MIDN: variants seen among roughly 807,000 people sequenced by gnomAD.
MIDN encodes the protein midbrain nucleolar protein.
Under a neutral mutation model 46.1 loss-of-function variants are expected in MIDN, and 26 were observed. That is an observed-to-expected ratio of 0.56 (90% CI 0.41 to 0.78). The LOEUF (loss-of-function observed/expected upper bound fraction) is 0.78, where lower values mean the gene tolerates loss of function less well. Ranked by LOEUF, MIDN falls within the 30% of genes least tolerant of loss-of-function variation. The pLI, the probability that MIDN is intolerant of heterozygous loss-of-function variation, is 0.00. For synonymous variants in MIDN, 432 were observed against 343.3 expected (o/e 1.26, Z -2.86); for missense variants, 850 against 771.8 (o/e 1.10, Z -1.20).
At position 1,255,604 on chromosome 19, in the gene MIDN, C is replaced by A. The variant is rs187496777; in HGVS notation, c.1168C>A (p.Pro390Thr). The change falls in exon 8 of 9, where the codon CCC becomes ACC. Residue 390 changes from proline to threonine, a missense_variant. Physicochemically the swap from Pro to Thr is conservative, Grantham distance 38 (BLOSUM62 -1). Transcript: ENST00000682408. Reference protein sequence around the residue: ...SPASPAPDLAPRTTSCEKLTA... With the variant: ...SPASPAPDLATRTTSCEKLTA... ...GGCCTCACCGGCCCCCGACCTGGCCCCCAGAACTACCTCCTGCGAGAAGCT... is the reference window on the plus strand; with the variant it reads ...GGCCTCACCGGCCCCCGACCTGGCCACCAGAACTACCTCCTGCGAGAAGCT... 1 of 1,609,730 alleles carries A rather than the reference C, an allele frequency of 6.2e-7. No homozygotes were observed. The highest frequency in any genetic ancestry group is 8.5e-7 in the Non-Finnish European group (1 of 1,179,282).
At position 1,257,562 on chromosome 19, in the gene MIDN, C is replaced by T; in HGVS notation, c.*290C>T. The T allele has an allele frequency of 2.7e-6, 1 of 363,868 alleles. No homozygotes were observed. The highest frequency in any genetic ancestry group is 4.4e-5 in the South Asian group (1 of 22,928). 22.5% of individuals were successfully genotyped at this position (363,868 alleles called of 1,614,324 possible). A position where few individuals can be genotyped will look rare whatever the true frequency, so the allele number is the denominator to read the frequency against. On this transcript the variant is annotated 3_prime_UTR_variant, in exon 9 of 9. Coordinates refer to ENST00000682408, the MANE Select transcript of MIDN (RefSeq NM_001388306.1). Reference sequence around the variant, plus strand: ...CCGTCTGTCTCCTTTCACCTCTGCGCCAGGTCGGTCCTCCCTGCCAACCTT... The same window carrying T: ...CCGTCTGTCTCCTTTCACCTCTGCGTCAGGTCGGTCCTCCCTGCCAACCTT...
chr19:1,252,565 T>C (rs1599979727), intron 4 of MIDN, among the ~76,000 whole-genome samples: 1 of 151,880 alleles, frequency 6.6e-6, no homozygotes, highest in African/African-American at 2.4e-5. Context: ...TTTTTCTCCT[T>C]CTTTCCTCAT....
chr19:1,251,136 C>T lies in MIDN; in HGVS notation c.234-426C>T, dbSNP rs917458220. ...CCGGGGAGGGAGGAGGAGGGGGAGC[C>T]CGGCCCGGCGCAACCCCCAGGGCCT... On this transcript the variant is annotated intron_variant, in intron 2 of 8. Coordinates refer to ENST00000682408, the MANE Select transcript of MIDN (RefSeq NM_001388306.1). 3 of 158,514 alleles carry T rather than the reference C, an allele frequency of 1.9e-5. No homozygotes were observed. The East Asian group carries it at 5.7e-4, about 30-fold the overall frequency. 9.8% of individuals were successfully genotyped at this position (158,514 alleles called of 1,614,324 possible). A position where few individuals can be genotyped will look rare whatever the true frequency, so the allele number is the denominator to read the frequency against.
intron 8 of MIDN, among the ~76,000 whole-genome samples, chr19:1,256,051 G>T (rs924169103): frequency 6.6e-6 from 1 of 152,224 alleles, no homozygotes; most frequent in Admixed American, 6.5e-5. Context: ...GAAAAGCAGC[G>T]AACACAACCC....
At chr19:1,251,355 G>C (rs1221079964) in intron 2 of MIDN, 1 of 557,974 alleles carries the variant, frequency 1.8e-6, no homozygotes, top group Non-Finnish European at 3.1e-6. Context: ...TGGAGGGAAG[G>C]GGTCCGAATC....
Position 1,255,631 on chromosome 19 carries a change from A to G in MIDN, c.1195A>G (p.Thr399Ala), listed in dbSNP as rs375858262. The G allele has an allele frequency of 2.5e-6, 4 of 1,606,074 alleles. No individual in the cohort carries two copies. The highest frequency in any genetic ancestry group is 3.4e-6 in the Non-Finnish European group (4 of 1,178,864). The change falls in exon 8 of 9, where the codon ACG (threonine) becomes GCG (alanine). Residue 399 changes from threonine to alanine, a missense_variant. Physicochemically the swap from Thr to Ala is moderately conservative, Grantham distance 58. Coordinates refer to ENST00000682408, the MANE Select transcript of MIDN (RefSeq NM_001388306.1). ...CAGAACTACCTCCTGCGAGAAGCTCACGGCTGCCCCCTCAGCCTCCCTGCT... is the reference window on the plus strand; with the variant it reads ...CAGAACTACCTCCTGCGAGAAGCTCGCGGCTGCCCCCTCAGCCTCCCTGCT... Reference protein sequence around the residue: ...APRTTSCEKLTAAPSASLLQG... With the variant: ...APRTTSCEKLAAAPSASLLQG...
In MIDN at chr19:1,253,957, C is replaced by A; in HGVS notation, c.388C>A (p.Pro130Thr). ...TGACCCGCCTCTGTCCCCACAGCCC[C>A]CAGCGGCGCCCGGGCCGGGCCGGGC... ...ALESLTETQPPAAPGPGRAGG... is the reference protein window; with the variant it reads ...ALESLTETQPTAAPGPGRAGG... The change falls in exon 5 of 9, where the codon CCA becomes ACA. Residue 130 changes from proline to threonine, a missense_variant. Coordinates refer to ENST00000682408, the MANE Select transcript of MIDN (RefSeq NM_001388306.1). 7 of 1,393,144 alleles carry A rather than the reference C, an allele frequency of 5.0e-6. No homozygotes were observed. Among genetic ancestry groups the A allele is most frequent in the South Asian group, 1.6e-5 (1 of 63,390 alleles). 86.3% of individuals were successfully genotyped at this position (1,393,144 alleles called of 1,614,324 possible). A position where few individuals can be genotyped will look rare whatever the true frequency, so the allele number is the denominator to read the frequency against.
In MIDN at chr19:1,250,482, G is replaced by A; in HGVS notation, c.186G>A (p.Gln62=). 1.5e-6 allele frequency: 2 copies of A among 1,369,018 alleles called. No individual in the cohort carries two copies. The highest frequency in any genetic ancestry group is 3.2e-5 in the East Asian group (1 of 31,184). The allele number at this position is 1,369,018 out of a possible 1,614,324, so 84.8% of individuals were successfully genotyped here. A position where few individuals can be genotyped will look rare whatever the true frequency, so the allele number is the denominator to read the frequency against. ...AGGGGCTGCGCAAGCGGTTGTCCCA[G>A]CGCCTCAAAGTGCCCAAGGAGCGCC... is the stretch of plus-strand genomic sequence containing the variant. ...TVEGLRKRLS[Q]RLKVPKERLA... The change falls in exon 2 of 9, where the codon CAG becomes CAA. Residue 62 remains glutamine, a synonymous_variant. Transcript: ENST00000682408.
intron 2 of MIDN, 45 bp downstream of exon 2, chr19:1,250,574 C>G: frequency 9.5e-7 from 1 of 1,051,320 alleles, no homozygotes; most frequent in South Asian, 4.1e-5. Context: ...CGGGCCCCGG[C>G]CCCCGGGCGG....
rs1215906101 is a variant in MIDN at position 1,254,409 on chromosome 19, C to A, written c.756C>A (p.Ser252=). ...TCCCCCCGGTGCCCACCAGCCCGTC[C>A]CCTGCATCTCCCTCGCCCATCACAG... ...ARVPPVPTSP[S]PASPSPITAG... Residue 252 remains serine, a synonymous_variant, in exon 6 of 9, where the codon TCC becomes TCA. Coordinates refer to ENST00000682408, the MANE Select transcript of MIDN (RefSeq NM_001388306.1). The A allele has an allele frequency of 6.4e-7, 1 of 1,565,112 alleles. No homozygotes were observed. The highest frequency in any genetic ancestry group is 1.2e-5 in the South Asian group (1 of 86,292).
At chr19:1,256,252 C>T (rs750966167) in intron 8 of MIDN, among the ~76,000 whole-genome samples, 2 of 152,128 alleles carry the variant, frequency 1.3e-5, no homozygotes, top group Non-Finnish European at 2.9e-5. Context: ...GGGAGGCCGA[C>T]GCGGGCGGAT....
chr19:1,255,464 G>C lies in MIDN; in HGVS notation c.1028G>C (p.Arg343Pro). The C allele has an allele frequency of 6.2e-7, 1 of 1,606,418 alleles. No individual in the cohort carries two copies. Among genetic ancestry groups the C allele is most frequent in the Non-Finnish European group, 8.5e-7 (1 of 1,177,174 alleles). Reference sequence around the variant, plus strand: ...TGCCAAGACAGCAGCGGGCGGCCGCGGCGTGACATCGGCACCATCCTGCAG... The same window carrying C: ...TGCCAAGACAGCAGCGGGCGGCCGCCGCGTGACATCGGCACCATCCTGCAG... ...PNCQDSSGRPRRDIGTILQIL... is the reference protein window; with the variant it reads ...PNCQDSSGRPPRDIGTILQIL... The change falls in exon 8 of 9, where the codon CGG becomes CCG. Residue 343 changes from arginine (R) to proline (P), a missense_variant. Coordinates refer to ENST00000682408, the MANE Select transcript of MIDN (RefSeq NM_001388306.1).
intron 8 of MIDN, among the ~76,000 whole-genome samples, chr19:1,256,163 G>T (rs764226629): frequency 6.6e-6 from 1 of 152,248 alleles, no homozygotes; most frequent in Admixed American, 6.5e-5. Flanking sequence ...TGCACCCGTC[G>T]CGGGGGCTCC....
rs538169580 is a variant in MIDN, at chr19:1,258,686, G to A, written c.*1414G>A. 19 of 133,478 alleles carry A rather than the reference G, an allele frequency of 1.4e-4. No individual in the cohort carries two copies. Among genetic ancestry groups the A allele is most frequent in the African/African-American group, 3.3e-4 (12 of 36,576 alleles). The allele number at this position is 133,478 out of a possible 1,614,324, so 8.3% of individuals were successfully genotyped here. ...TAATGGTTTCAGATGTGAACATCAC[G>A]TGTTATAACTGTAGCGCTGTAAATT... On this transcript the variant is annotated 3_prime_UTR_variant, in exon 9 of 9. Transcript: ENST00000682408.
intron 4 of MIDN, among the ~76,000 whole-genome samples, chr19:1,253,427 C>CG (rs965662630): frequency 1.3e-5 from 2 of 151,510 alleles, no homozygotes; most frequent in Admixed American, 6.5e-5. Flanking sequence ...CGCCACCCCC[C>CG]CCCCCATCCC....
In MIDN at chr19:1,255,421, G is replaced by A; in HGVS notation, c.986-1G>A. 1 of 1,584,588 alleles carries A rather than the reference G, an allele frequency of 6.3e-7. No homozygotes were observed. Among genetic ancestry groups the A allele is most frequent in the Non-Finnish European group, 8.6e-7 (1 of 1,166,708 alleles). On this transcript the variant is annotated splice_acceptor_variant, in intron 7 of 8. Coordinates refer to ENST00000682408, the MANE Select transcript of MIDN (RefSeq NM_001388306.1). LOFTEE classifies it high-confidence loss of function. ...GCACTCACGGCCACCTCTGCCCGCA[G>A]GCACGCTACACCCCAACTGCCAAGA...
In MIDN at chr19:1,254,438, G is replaced by C; in HGVS notation, c.785G>C (p.Gly262Ala). The C allele has an allele frequency of 3.2e-6, 5 of 1,565,114 alleles. No individual in the cohort carries two copies. The highest frequency in any genetic ancestry group is 4.3e-6 in the Non-Finnish European group (5 of 1,162,622). The change falls in exon 6 of 9, where the codon GGC becomes GCC. Residue 262 changes from glycine to alanine, a missense_variant. Physicochemically the swap from Gly to Ala is moderately conservative, Grantham distance 60 (BLOSUM62 0). Coordinates refer to ENST00000682408, the MANE Select transcript of MIDN (RefSeq NM_001388306.1). Reference sequence around the variant, plus strand: ...GCATCTCCCTCGCCCATCACAGCCGGCTCCTTCCGGTCCCACGCAGCCTCC... The same window carrying C: ...GCATCTCCCTCGCCCATCACAGCCGCCTCCTTCCGGTCCCACGCAGCCTCC... ...SPASPSPITA[G>A]SFRSHAASTT...
intron 4 of MIDN, among the ~76,000 whole-genome samples, chr19:1,252,545 C>A (rs903023643): frequency 1.4e-5 from 2 of 146,348 alleles, no homozygotes; most frequent in African/African-American, 5.0e-5. Flanking sequence ...TTGCTGCGGA[C>A]TTTTTTTTTT....
At chr19:1,251,540 T>C in intron 2 of MIDN, 22 bp from the exon 3 acceptor site, 3 of 1,606,228 alleles carry the variant, frequency 1.9e-6, no homozygotes, top group Non-Finnish European at 1.7e-6. Context: ...CGGAGTCTCA[T>C]GCTCTTCCTT....
Sources: allele counts gnomAD v4.1 joint callset (sites outside exome capture counted in the v4.1 genomes callset), GRCh38; gene constraint gnomAD v4.1.1; transcripts MANE v1.5; gene names NCBI Gene and HGNC (gene_info 2026-07-23, HGNC 2026-07-21).